The following CTNNA3 variants were observed in gnomAD, a reference collection of about 807,000 sequenced individuals.
The protein encoded by CTNNA3 is catenin alpha 3, also known as catenin alpha-3.
In CTNNA3, 76 loss-of-function variants were observed where a neutral mutation model predicts 95.7. The ratio of observed to expected loss-of-function variants is 0.79; its 90% CI spans 0.66 to 0.96. CTNNA3 has a LOEUF of 0.96. CTNNA3 is among the 40% of genes least tolerant of loss of function. The pLI is 0.00. For missense variants in CTNNA3, 1,191 were observed against 1,089.8 expected (o/e 1.09, Z -1.31); for synonymous variants, 431 against 374.4 (o/e 1.15, Z -1.74).
At chr10:66,495,035 C>T (rs926261489) in intron 11 of CTNNA3, among the ~76,000 whole-genome samples, 6 of 152,142 alleles carry the variant, frequency 3.9e-5, no homozygotes, top group Admixed American at 1.3e-4. Flanking sequence ...GTGAATGGTA[C>T]CCACATTTCA....
intron 5 of CTNNA3, among the ~76,000 whole-genome samples, chr10:67,238,139 C>A (rs1818653907): frequency 6.6e-6 from 1 of 152,060 alleles, no homozygotes; most frequent in Non-Finnish European, 1.5e-5. Context: ...TTGTAATCTG[C>A]CAAATGTAAT....
Position 65,912,684 on chromosome 10 carries a change from C to T in CTNNA3, c.*7646G>A, listed in dbSNP as rs1043699847. 1.3e-5 allele frequency: 2 copies of T among 151,838 alleles called. No individual in the cohort carries two copies. Among genetic ancestry groups the T allele is most frequent in the Non-Finnish European group, 2.9e-5 (2 of 67,952 alleles). The allele number at this position is 151,838 out of a possible 1,614,324, so 9.4% of individuals were successfully genotyped here. A position where few individuals can be genotyped will look rare whatever the true frequency, so the allele number is the denominator to read the frequency against. On this transcript the variant is annotated 3_prime_UTR_variant, in exon 18 of 18. Transcript: ENST00000433211. ...CCAGTGTTACATATGTGAAATAATGCAATTAAGAGCACAACTAAAAAAAAT... is the reference window on the plus strand; with the variant it reads ...CCAGTGTTACATATGTGAAATAATGTAATTAAGAGCACAACTAAAAAAAAT...
intron 7 of CTNNA3, among the ~76,000 whole-genome samples, chr10:66,919,039 G>A (rs554195360): frequency 3.3e-5 from 5 of 151,440 alleles, no homozygotes; most frequent in African/African-American, 1.2e-4. Context: ...GGAGGCTGAG[G>A]CCCAAGAATC....
chr10:67,256,064 T>C (rs1482720288), intron 5 of CTNNA3, among the ~76,000 whole-genome samples: 1 of 152,120 alleles, frequency 6.6e-6, no homozygotes, highest in Admixed American at 6.6e-5. Flanking sequence ...TTCTCTCCTT[T>C]AAAATTCTTA....
At chr10:67,386,021 T>C (rs1040811134) in intron 5 of CTNNA3, among the ~76,000 whole-genome samples, 1 of 152,214 alleles carries the variant, frequency 6.6e-6, no homozygotes, top group Non-Finnish European at 1.5e-5. Context: ...TATCTGCTTA[T>C]GTCTCTACAT....
chr10:65,930,682 ACT>A (rs2077239386), intron 17 of CTNNA3, among the ~76,000 whole-genome samples: 2 of 152,070 alleles, frequency 1.3e-5, no homozygotes, highest in Admixed American at 1.3e-4. Context: ...ACACATTCAT[ACT>A]CTCATTCAAA....
intron 13 of CTNNA3, among the ~76,000 whole-genome samples, chr10:66,271,607 G>A (rs1220203818): frequency 6.6e-6 from 1 of 152,132 alleles, no homozygotes; most frequent in Admixed American, 6.6e-5. Context: ...CATTCACAAT[G>A]TTAGCCATTT....
intron 7 of CTNNA3, among the ~76,000 whole-genome samples, chr10:66,989,719 G>A (rs1850936404): frequency 6.6e-6 from 1 of 152,196 alleles, no homozygotes; most frequent in South Asian, 2.1e-4. Flanking sequence ...TTTACCTCTA[G>A]ATGGGTTTTT....
At chr10:66,114,457 T>C (rs1176488911) in intron 13 of CTNNA3, among the ~76,000 whole-genome samples, 1 of 122,538 alleles carries the variant, frequency 8.2e-6, no homozygotes, top group Non-Finnish European at 1.7e-5. Context: ...TATGTATATA[T>C]GTGTATATAT....
intron 6 of CTNNA3, among the ~76,000 whole-genome samples, chr10:67,202,075 A>C (rs1446264357): frequency 6.6e-6 from 1 of 152,214 alleles, no homozygotes; most frequent in Non-Finnish European, 1.5e-5. Context: ...ATCTTCATCA[A>C]AAATTTCTTT....
At chr10:67,530,871 G>T (rs1270584311) in intron 4 of CTNNA3, among the ~76,000 whole-genome samples, 3 of 152,180 alleles carry the variant, frequency 2.0e-5, no homozygotes, top group Non-Finnish European at 4.4e-5. Context: ...GTGCAGCCTA[G>T]GGACTTGGAG....
chr10:66,433,854 T>TGCACATGGCTAGCCAGTTTTCC (rs2093317096), intron 11 of CTNNA3, among the ~76,000 whole-genome samples: 1 of 152,226 alleles, frequency 6.6e-6, no homozygotes, highest in African/African-American at 2.4e-5. Flanking sequence ...TTCAGTTTTC[T>TGCACATGGCTAGCCAGTTTTCC]GCACATGGCT....
chr10:65,935,648 T>C (rs2077325422), intron 17 of CTNNA3, among the ~76,000 whole-genome samples: 1 of 152,168 alleles, frequency 6.6e-6, no homozygotes, highest in South Asian at 2.1e-4. Flanking sequence ...TTTTGTCCTT[T>C]GGGTTCAGCG....
chr10:66,596,088 T>C (rs1184283243), intron 10 of CTNNA3, among the ~76,000 whole-genome samples: 1 of 152,078 alleles, frequency 6.6e-6, no homozygotes, highest in Non-Finnish European at 1.5e-5. Flanking sequence ...GGAGACCCAC[T>C]TCTGTCTCAT....
At chr10:67,750,187 A>G (rs1841398084) in intron 1 of CTNNA3, 3 of 1,242,948 alleles carry the variant, frequency 2.4e-6, no homozygotes, top group Admixed American at 1.9e-5. Flanking sequence ...TCATTCTTGA[A>G]GTCAGTGAGA....
At chr10:67,601,959 T>A (rs1046992984) in intron 3 of CTNNA3, among the ~76,000 whole-genome samples, 2 of 152,170 alleles carry the variant, frequency 1.3e-5, no homozygotes, top group African/African-American at 4.8e-5. Flanking sequence ...AGTCTGTAAA[T>A]AAAGCCACGG....
In CTNNA3 at chr10:66,352,377, A is replaced by T. The variant is rs192467665; in HGVS notation, c.1732+26775T>A. On this transcript the variant is annotated intron_variant, in intron 12 of 17. Coordinates refer to ENST00000433211, the MANE Select transcript of CTNNA3 (RefSeq NM_013266.4). ...ACAAATGTGCATGACAAATTGGTAG[A>T]GATAGGAGGAACCAAATATTGAAGG... Among the ~76,000 whole-genome samples the T allele has an allele frequency of 9.5e-4, 144 of 152,286 alleles. 1 individual carries two copies. Among genetic ancestry groups the T allele is most frequent in the African/African-American group, 3.0e-3 (124 of 41,574 alleles).
intron 7 of CTNNA3, among the ~76,000 whole-genome samples, chr10:66,827,165 C>T (rs920355394): frequency 3.9e-5 from 6 of 152,148 alleles, no homozygotes; most frequent in South Asian, 2.1e-4. Flanking sequence ...TTTCTATCCA[C>T]GTCCATCCCG....
intron 11 of CTNNA3, among the ~76,000 whole-genome samples, chr10:66,417,055 C>T (rs897378918): frequency 6.6e-6 from 1 of 151,872 alleles, no homozygotes; most frequent in East Asian, 1.9e-4. Flanking sequence ...TTACTTTGAA[C>T]ATAAATGGAT....
Sources: allele counts gnomAD v4.1 joint callset (sites outside exome capture counted in the v4.1 genomes callset), GRCh38; gene constraint gnomAD v4.1.1; transcripts MANE v1.5; gene names NCBI Gene and HGNC (gene_info 2026-07-23, HGNC 2026-07-21).